Variants in CNGB1 observed in about 807,000 individuals in gnomAD.
CNGB1 encodes cyclic nucleotide gated channel subunit beta 1, also known as cyclic nucleotide-gated channel beta-1.
A neutral mutation model predicts 151.7 loss-of-function variants in CNGB1; 126 were observed. That is an observed-to-expected ratio of 0.83 (90% CI 0.72 to 0.96). The LOEUF is 0.96. Ranked by LOEUF, CNGB1 falls within the 40% of genes least tolerant of loss-of-function variation. The pLI, the probability that CNGB1 is intolerant of heterozygous loss-of-function variation, is 0.00. For synonymous variants in CNGB1, 623 were observed against 635.1 expected (o/e 0.98, Z 0.29); for missense variants, 1,698 against 1,627.0 (o/e 1.04, Z -0.75).
rs747557904 is a variant in CNGB1 at position 57,888,033 on chromosome 16, C to T, written c.3284G>A (p.Ser1095Asn). Reference sequence around the variant, plus strand: ...CGCCCGGGGTGGAAGGATCAGCACGCTCTTCTCCTCCTTGGGCTTATTGTT... The same window carrying T: ...CGCCCGGGGTGGAAGGATCAGCACGTTCTTCTCCTCCTTGGGCTTATTGTT... Reference protein sequence around the residue: ...RSNNKPKEEKSVLILPPRAGT... With the variant: ...RSNNKPKEEKNVLILPPRAGT... The change falls in exon 32 of 33, where the codon AGC becomes AAC. Residue 1095 changes from serine to asparagine, a missense_variant. Transcript: ENST00000251102. 1.9e-6 allele frequency: 3 copies of T among 1,613,970 alleles called. No homozygotes were observed. Among genetic ancestry groups the T allele is most frequent in the Admixed American group, 3.3e-5 (2 of 59,996 alleles).
chr16:57,934,673 C>T (rs1379823890), intron 16 of CNGB1, among the ~76,000 whole-genome samples: 2 of 151,682 alleles, frequency 1.3e-5, no homozygotes, highest in African/African-American at 4.8e-5. Context: ...AATGTTACTC[C>T]TGGTCGGGCG....
intron 24 of CNGB1, 99 bp from the exon 25 acceptor site, chr16:57,911,974 A>C: frequency 6.6e-7 from 1 of 1,522,808 alleles, no homozygotes; most frequent in African/African-American, 1.4e-5. Flanking sequence ...GGCTGGCCCG[A>C]CTGGATGCTT....
intron 17 of CNGB1, among the ~76,000 whole-genome samples, chr16:57,925,213 G>T (rs1961152045): frequency 6.6e-6 from 1 of 151,862 alleles, no homozygotes; most frequent in South Asian, 2.1e-4. Context: ...ATGTTGGCCA[G>T]GCTAGTCTCA....
chr16:57,960,463 C>T lies in CNGB1; in HGVS notation c.583+19G>A, dbSNP rs376649332. 2.0e-5 allele frequency: 32 copies of T among 1,612,172 alleles called. No individual in the cohort carries two copies. Among genetic ancestry groups the T allele is most frequent in the Admixed American group, 1.2e-4 (7 of 59,848 alleles). Reference sequence around the variant, plus strand: ...GTGACCATCCCAGGCAGCCCCCTCCCGAGCTCCCCTCCCTGTACCTGGGTC... The same window carrying T: ...GTGACCATCCCAGGCAGCCCCCTCCTGAGCTCCCCTCCCTGTACCTGGGTC... On this transcript the variant is annotated intron_variant, in intron 9 of 32. Coordinates refer to ENST00000251102, the MANE Select transcript of CNGB1 (RefSeq NM_001297.5).
intron 14 of CNGB1, among the ~76,000 whole-genome samples, chr16:57,946,996 T>C (rs1417216490): frequency 6.6e-6 from 1 of 152,230 alleles, no homozygotes; most frequent in Non-Finnish European, 1.5e-5. Flanking sequence ...TGTGTGCCTG[T>C]GTGCACACAC....
chr16:57,892,737 T>C (rs1960126848), intron 31 of CNGB1, among the ~76,000 whole-genome samples: 2 of 152,156 alleles, frequency 1.3e-5, no homozygotes, highest in African/African-American at 4.8e-5. Context: ...ACACTAAGCC[T>C]GCTCCTCCCC....
chr16:57,919,135 T>A lies in CNGB1; in HGVS notation c.1921A>T (p.Lys641Ter). ...TCAATGCTCTGGGGAAACTGGTACT[T>A]CTTCCAGGGGCGGTGTTTGAACTTG... The part of the protein sequence containing the change: ...CCKFKHRPWK[K>*]YQFPQSIDPL... Residue 641 changes from lysine to a stop codon, truncating the protein, a stop_gained, in exon 20 of 33, where the codon AAG (lysine) becomes TAG (stop). Coordinates refer to ENST00000251102, the MANE Select transcript of CNGB1 (RefSeq NM_001297.5). LOFTEE classifies it high-confidence loss of function. 1 of 1,614,178 alleles carries A rather than the reference T, an allele frequency of 6.2e-7. No individual in the cohort carries two copies. The highest frequency in any genetic ancestry group is 8.5e-7 in the Non-Finnish European group (1 of 1,180,040).
chr16:57,967,386 T>C, intron 1 of CNGB1, 92 bp from the exon 2 acceptor site: 1 of 1,347,708 alleles, frequency 7.4e-7, no homozygotes, highest in Non-Finnish European at 1.1e-6. Flanking sequence ...CATTTCCTTT[T>C]CCTTCATCAA....
At chr16:57,945,441 C>A (rs1201989836) in intron 14 of CNGB1, among the ~76,000 whole-genome samples, 2 of 152,240 alleles carry the variant, frequency 1.3e-5, no homozygotes, top group African/African-American at 2.4e-5. Context: ...AGACCAGAAG[C>A]CCCTGTATGG....
chr16:57,965,048 GCTA>G (rs1437767591), intron 2 of CNGB1, among the ~76,000 whole-genome samples: 3 of 152,184 alleles, frequency 2.0e-5, no homozygotes, highest in Non-Finnish European at 4.4e-5. Flanking sequence ...CACACCTCCT[GCTA>G]CTACGTGCAC....
chr16:57,885,857 G>A (rs1289299577), intron 32 of CNGB1, among the ~76,000 whole-genome samples: 5 of 152,082 alleles, frequency 3.3e-5, no homozygotes, highest in African/African-American at 9.7e-5. Context: ...GCCTCCCAAA[G>A]TGCTGGGATG....
At chr16:57,897,675 G>A (rs1413915290) in intron 30 of CNGB1, 121 bp downstream of exon 30, 37 of 1,499,298 alleles carry the variant, frequency 2.5e-5, no homozygotes, top group Non-Finnish European at 3.2e-5. Context: ...CCCCATCCCC[G>A]CATACATCAG....
chr16:57,916,379 C>G (rs895859965), intron 21 of CNGB1, among the ~76,000 whole-genome samples, 200 bp from the exon 22 acceptor site: 6 of 152,134 alleles, frequency 3.9e-5, no homozygotes, highest in African/African-American at 1.4e-4. Context: ...TTCTGGTCAC[C>G]CAGCTAGATC....
chr16:57,898,707 T>C (rs911295832), intron 29 of CNGB1, among the ~76,000 whole-genome samples: 12 of 152,286 alleles, frequency 7.9e-5, no homozygotes, highest in African/African-American at 2.9e-4. Flanking sequence ...TGAGCCACTG[T>C]GCCCAGCCCC....
chr16:57,921,040 G>C (rs553912766), intron 18 of CNGB1, among the ~76,000 whole-genome samples: 1 of 152,068 alleles, frequency 6.6e-6, no homozygotes, highest in South Asian at 2.1e-4. Context: ...TTTCTGCACT[G>C]TCAGCAAGAG....
chr16:57,949,539 G>A, intron 13 of CNGB1, 100 bp from the exon 14 acceptor site: 1 of 1,583,520 alleles, frequency 6.3e-7, no homozygotes, highest in Non-Finnish European at 8.6e-7. Context: ...TGACACCTGA[G>A]CCCAGACCTG....
In CNGB1 at chr16:57,884,011, G is replaced by A. The variant is rs1959828063; in HGVS notation, c.*153C>T. 9.3e-7 allele frequency: 1 copy of A among 1,071,684 alleles called. No homozygotes were observed. Among genetic ancestry groups the A allele is most frequent in the Non-Finnish European group, 1.4e-6 (1 of 721,078 alleles). 66.4% of individuals were successfully genotyped at this position (1,071,684 alleles called of 1,614,324 possible). A position where few individuals can be genotyped will look rare whatever the true frequency, so the allele number is the denominator to read the frequency against. On this transcript the variant is annotated 3_prime_UTR_variant, in exon 33 of 33. Transcript: ENST00000251102. ...GCTGAGTCGGGGCTGGCGTGCTGGC[G>A]GGACGGTCAGAGCTGCAGCCACTGA...
chr16:57,934,493 A>T (rs1338121720), intron 16 of CNGB1, among the ~76,000 whole-genome samples: 2 of 152,200 alleles, frequency 1.3e-5, no homozygotes, highest in Admixed American at 1.3e-4. Context: ...GCTTCTCATT[A>T]CCTTGTCTGT....
At position 57,960,865 on chromosome 16, in the gene CNGB1, AG is replaced by A. The variant is rs1183884474; in HGVS notation, c.508del (p.Leu170PhefsTer107). Reference protein sequence around the residue: ...LWLEQNLERVLPQPPKSSEVW... With the variant: ...LWLEQNLERVXPQPPKSSEVW... Reference sequence around the variant, plus strand: ...CTCAGAGGATTTGGGGGGCTGAGGAAGCACTCTTTCCAGATTCTGCTCCAGC... The same window carrying A: ...CTCAGAGGATTTGGGGGGCTGAGGAACACTCTTTCCAGATTCTGCTCCAGC... On this transcript the variant is annotated frameshift_variant, in exon 8 of 33. Transcript: ENST00000251102. LOFTEE classifies it high-confidence loss of function. 1.2e-6 allele frequency: 2 copies of A among 1,613,966 alleles called. No homozygotes were observed. The highest frequency in any genetic ancestry group is 2.7e-5 in the African/African-American group (2 of 74,996).
Sources: gnomAD v4.1 joint callset for allele counts (sites outside exome capture counted in the v4.1 genomes callset) on GRCh38, gnomAD v4.1.1 for gene constraint, MANE v1.5 for transcripts, NCBI Gene and HGNC (gene_info 2026-07-23, HGNC 2026-07-21) for gene names.